ATOSA: variants seen among roughly 807,000 people sequenced by gnomAD.
The protein encoded by ATOSA is atos homolog A, also known as atos homolog protein A.
chr15:52,628,820 A>T, the ATOSA span, among the ~76,000 whole-genome samples: 1 of 151,710 alleles, frequency 6.6e-6, no homozygotes, highest in African/African-American at 2.4e-5. Context: ...CTATTTTAAT[A>T]ATAGTACAAT....
chr15:52,673,325 TC>T, the ATOSA span, among the ~76,000 whole-genome samples: 1 of 152,214 alleles, frequency 6.6e-6, no homozygotes, highest in Admixed American at 6.5e-5. Context: ...ACCACTTTGG[TC>T]CCAAAATCTT....
At chr15:52,640,571 C>CAAAAAAAAAAAAAAAA in the ATOSA span, among the ~76,000 whole-genome samples, 18 of 27,570 alleles carry the variant, frequency 6.5e-4, no homozygotes, top group African/African-American at 3.6e-3. Context: ...ACTCAAGTCT[C>CAAAAAAAAAAAAAAAA]AAAAAAAAAA....
the ATOSA span, among the ~76,000 whole-genome samples, chr15:52,594,117 C>G: frequency 1.2e-4 from 19 of 152,110 alleles, no homozygotes; most frequent in Admixed American, 1.3e-4. Flanking sequence ...CTCACAGTGC[C>G]TATTCATGGT....
the ATOSA span, among the ~76,000 whole-genome samples, chr15:52,703,595 T>A: frequency 6.6e-6 from 1 of 152,070 alleles, no homozygotes; most frequent in Admixed American, 6.6e-5. Context: ...AGTAAAGATA[T>A]ACCTCCAAAC....
At chr15:52,696,672 G>A in the ATOSA span, among the ~76,000 whole-genome samples, 3 of 151,996 alleles carry the variant, frequency 2.0e-5, no homozygotes, top group Non-Finnish European at 2.9e-5. Context: ...CATAATTAAA[G>A]TTGACACATG....
chr15:52,678,996 C>T, the ATOSA span: 2 of 153,592 alleles, frequency 1.3e-5, no homozygotes, highest in Non-Finnish European at 1.4e-5. Context: ...CCCAGCAGCT[C>T]ACATCACACT....
At chr15:52,583,258 A>C in the ATOSA span, among the ~76,000 whole-genome samples, 5 of 152,200 alleles carry the variant, frequency 3.3e-5, no homozygotes, top group East Asian at 5.8e-4. Context: ...TCTGGCCAGT[A>C]TTGGTTTTGG....
At chr15:52,622,953 T>C in the ATOSA span, among the ~76,000 whole-genome samples, 2 of 144,998 alleles carry the variant, frequency 1.4e-5, no homozygotes, top group Admixed American at 1.5e-4. Flanking sequence ...TGAGACACTG[T>C]CCCTATTATA....
the ATOSA span, among the ~76,000 whole-genome samples, chr15:52,697,554 A>G: frequency 6.9e-4 from 105 of 152,356 alleles, no homozygotes; most frequent in African/African-American, 2.5e-3. Flanking sequence ...GCGTAAGAAT[A>G]TGACAAAATT....
At chr15:52,640,990 G>A in the ATOSA span, among the ~76,000 whole-genome samples, 1 of 152,134 alleles carries the variant, frequency 6.6e-6, no homozygotes, top group African/African-American at 2.4e-5. Flanking sequence ...AGAGATACCT[G>A]TACTCCCACG....
At chr15:52,690,312 A>G in the ATOSA span, among the ~76,000 whole-genome samples, 1 of 152,210 alleles carries the variant, frequency 6.6e-6, no homozygotes, top group Admixed American at 6.5e-5. Flanking sequence ...AGATTGTGCT[A>G]TGGTCTAGCC....
At chr15:52,664,280 T>C in the ATOSA span, among the ~76,000 whole-genome samples, 1 of 152,232 alleles carries the variant, frequency 6.6e-6, no homozygotes, top group Non-Finnish European at 1.5e-5. Context: ...GTACTACTGT[T>C]AGTAAACTTT....
At chr15:52,608,038 G>A in the ATOSA span, among the ~76,000 whole-genome samples, 2 of 152,068 alleles carry the variant, frequency 1.3e-5, no homozygotes, top group Non-Finnish European at 2.9e-5. Context: ...GTACCACCAT[G>A]CCTGGCCAAT....
the ATOSA span, among the ~76,000 whole-genome samples, chr15:52,663,434 A>C: frequency 6.6e-6 from 1 of 152,192 alleles, no homozygotes; most frequent in African/African-American, 2.4e-5. Context: ...AGAATACAAT[A>C]CATATCTCAG....
the ATOSA span, among the ~76,000 whole-genome samples, chr15:52,631,886 C>T: frequency 8.5e-5 from 13 of 152,200 alleles, no homozygotes; most frequent in South Asian, 2.3e-3. Context: ...TACAGGAATG[C>T]GCCATCATGC....
At chr15:52,584,148 T>C in the ATOSA span, among the ~76,000 whole-genome samples, 1 of 148,868 alleles carries the variant, frequency 6.7e-6, no homozygotes, top group Non-Finnish European at 1.5e-5. Context: ...CATATTACTT[T>C]TTTTTTTTTT....
chr15:52,662,964 C>T, the ATOSA span, among the ~76,000 whole-genome samples: 2 of 151,882 alleles, frequency 1.3e-5, no homozygotes, highest in East Asian at 1.9e-4. Context: ...TAACAGCGGG[C>T]GATAATGTAA....
the ATOSA span, chr15:52,586,556 C>G: frequency 6.6e-6 from 1 of 152,302 alleles, no homozygotes; most frequent in Admixed American, 6.5e-5. Context: ...CAATTTCAAG[C>G]TGGCCTTAAT....
At chr15:52,651,699 A>G in the ATOSA span, among the ~76,000 whole-genome samples, 4 of 152,340 alleles carry the variant, frequency 2.6e-5, no homozygotes, top group African/African-American at 9.6e-5. Context: ...AAAACAGGCT[A>G]TATGAAGCTA....
Sources: gnomAD v4.1 joint callset for allele counts (sites outside exome capture counted in the v4.1 genomes callset) on GRCh38, gnomAD v4.1.1 for gene constraint, MANE v1.5 for transcripts, NCBI Gene and HGNC (gene_info 2026-07-23, HGNC 2026-07-21) for gene names.